SCP2: variants seen among roughly 807,000 people sequenced by gnomAD.
SCP2 encodes the protein sterol carrier protein 2, also known as SCP-2/3-oxoacyl-CoA thiolase.
SCP2 carries 48 observed loss-of-function variants against 71.4 expected under a neutral mutation model. That is an observed-to-expected ratio of 0.67 (90% CI 0.53 to 0.86). The LOEUF (loss-of-function observed/expected upper bound fraction) is 0.86. SCP2 is among the 40% of genes least tolerant of loss of function. The pLI is 0.00. For missense variants in SCP2, 560 were observed against 655.6 expected (o/e 0.85, Z 1.59); for synonymous variants, 220 against 218.1 (o/e 1.01, Z -0.08).
At chr1:52,958,651 T>C (rs1023292742) in intron 5 of SCP2, among the ~76,000 whole-genome samples, 1 of 152,206 alleles carries the variant, frequency 6.6e-6, no homozygotes, top group African/African-American at 2.4e-5. Context: ...GTCTATCCCA[T>C]ATTCTGGGGT....
chr1:53,038,834 G>A (rs1268967968), intron 13 of SCP2, 83 bp from the exon 14 acceptor site: 14 of 1,546,178 alleles, frequency 9.1e-6, no homozygotes, highest in East Asian at 9.0e-5. Flanking sequence ...CTCATATCAT[G>A]TATCTATTTA....
intron 6 of SCP2, among the ~76,000 whole-genome samples, chr1:52,963,901 A>G (rs534565528): frequency 1.3e-5 from 2 of 152,150 alleles, no homozygotes; most frequent in Non-Finnish European, 2.9e-5. Context: ...CTTTTACTGT[A>G]TATTAACTTT....
At chr1:52,946,540 C>T (rs948027399) in intron 2 of SCP2, among the ~76,000 whole-genome samples, 1 of 151,966 alleles carries the variant, frequency 6.6e-6, no homozygotes, top group Non-Finnish European at 1.5e-5. Flanking sequence ...CGTTTACACC[C>T]GTAGAGTCTC....
intron 13 of SCP2, 24 bp from the exon 14 acceptor site, chr1:53,038,893 C>T (rs1429658280): frequency 4.3e-6 from 7 of 1,613,006 alleles, no homozygotes; most frequent in East Asian, 2.2e-5. Context: ...CTTAATGTAA[C>T]CCCAGTGTTA....
intron 1 of SCP2, among the ~76,000 whole-genome samples, chr1:52,935,528 T>G (rs139416641): frequency 2.1e-3 from 313 of 149,056 alleles, no homozygotes; most frequent in Non-Finnish European, 3.0e-3. Context: ...AGGTGGAGGT[T>G]GCATTGAGCT....
chr1:52,947,639 T>TA (rs1473602290), intron 2 of SCP2, among the ~76,000 whole-genome samples: 4 of 152,220 alleles, frequency 2.6e-5, no homozygotes, highest in African/African-American at 9.7e-5. Flanking sequence ...CTGCTCCCAG[T>TA]AATGACAGTC....
chr1:52,945,080 T>A (rs949076505), intron 2 of SCP2, among the ~76,000 whole-genome samples: 7 of 152,128 alleles, frequency 4.6e-5, no homozygotes, highest in Non-Finnish European at 1.0e-4. Flanking sequence ...GAAAACAAAA[T>A]TTTGACCCAG....
chr1:53,047,592 C>A (rs1663907858), intron 14 of SCP2, among the ~76,000 whole-genome samples: 1 of 152,158 alleles, frequency 6.6e-6, no homozygotes, highest in African/African-American at 2.4e-5. Flanking sequence ...AGATCCATAT[C>A]ATTTCTTATT....
At chr1:53,028,106 T>C (rs774888520) in intron 13 of SCP2, 35 bp downstream of exon 13, 11 of 1,222,284 alleles carry the variant, frequency 9.0e-6, no homozygotes, top group Middle Eastern at 1.9e-4. Flanking sequence ...AGGAAGGACC[T>C]TGAGGCTAGA....
intron 12 of SCP2, among the ~76,000 whole-genome samples, chr1:53,015,293 G>A (rs1661257881): frequency 6.6e-6 from 1 of 152,202 alleles, no homozygotes; most frequent in Admixed American, 6.5e-5. Context: ...TGAGCTAGCT[G>A]GGTATGGGTC....
chr1:53,014,316 T>A (rs946588443), intron 11 of SCP2, among the ~76,000 whole-genome samples: 10 of 152,182 alleles, frequency 6.6e-5, no homozygotes, highest in Admixed American at 5.9e-4. Context: ...ATTAGCCTGC[T>A]TTGTAACCAT....
rs147968401 is a variant in SCP2, at chr1:52,980,639, CT to C, written c.973+98del. 5.8e-3 allele frequency: 7,231 copies of C among 1,251,504 alleles called. 311 individuals are homozygous for C. The African/African-American group carries it at 0.093, about 16-fold the overall frequency. The allele number at this position is 1,251,504 out of a possible 1,614,324, so 77.5% of individuals were successfully genotyped here. On this transcript the variant is annotated intron_variant, in intron 10 of 15. Transcript: ENST00000371514. The stretch of plus-strand genomic sequence containing the variant: ...AAAAGAATTCACTATTCACTTTTCC[CT>C]TAACGTTGGCTCTGCCACACTGTGG...
At chr1:53,002,317 G>A (rs891159377) in intron 11 of SCP2, among the ~76,000 whole-genome samples, 4 of 152,220 alleles carry the variant, frequency 2.6e-5, no homozygotes, top group Admixed American at 6.5e-5. Flanking sequence ...TATTTAAAGG[G>A]ATAGTTGAAT....
chr1:52,968,985 TCATTAAG>T (rs1657219060), intron 6 of SCP2, among the ~76,000 whole-genome samples: 2 of 152,192 alleles, frequency 1.3e-5, no homozygotes, highest in East Asian at 3.9e-4. Flanking sequence ...TAGTTACTAT[TCATTAAG>T]TGGAAGGTGA....
At position 53,032,178 on chromosome 1, in the gene SCP2, AG is replaced by A. The variant is rs1328164148; in HGVS notation, c.1338+4108del. ...ATACAGCTCTGCTGTCATCGGCTAA[AG>A]TTTAGAAATGTTGATGTGACCTACA... On this transcript the variant is annotated intron_variant, in intron 13 of 15. Coordinates refer to ENST00000371514, the MANE Select transcript of SCP2 (RefSeq NM_002979.5). 3.9e-5 allele frequency among the ~76,000 whole-genome samples: 6 copies of A among 152,218 alleles called. 1 individual carries two copies. The highest frequency in any genetic ancestry group is 1.5e-5 in the Non-Finnish European group (1 of 68,044).
chr1:53,003,950 A>G (rs992816081), intron 11 of SCP2, among the ~76,000 whole-genome samples: 1 of 152,176 alleles, frequency 6.6e-6, no homozygotes, highest in East Asian at 1.9e-4. Flanking sequence ...TAAAGGAAGC[A>G]CTTGTATGCA....
chr1:52,986,532 T>A (rs1658996534), intron 10 of SCP2, among the ~76,000 whole-genome samples: 1 of 152,334 alleles, frequency 6.6e-6, no homozygotes, highest in Non-Finnish European at 1.5e-5. Flanking sequence ...GTGATTAGTG[T>A]ATTTCATTTT....
intron 15 of SCP2, chr1:53,048,814 C>A (rs978084586): frequency 6.6e-6 from 1 of 152,154 alleles, no homozygotes; most frequent in Admixed American, 6.6e-5. Flanking sequence ...ATATAGTGAG[C>A]TTTCTGTCAA....
intron 1 of SCP2, among the ~76,000 whole-genome samples, chr1:52,932,070 A>G (rs911132036): frequency 5.3e-5 from 8 of 152,190 alleles, no homozygotes; most frequent in African/African-American, 1.7e-4. Context: ...GGGTATTAGG[A>G]GAGAAAATAA....
Sources: allele counts gnomAD v4.1 joint callset (sites outside exome capture counted in the v4.1 genomes callset), GRCh38; gene constraint gnomAD v4.1.1; transcripts MANE v1.5; gene names NCBI Gene and HGNC (gene_info 2026-07-23, HGNC 2026-07-21).